RHPN2: variants seen among roughly 807,000 people sequenced by gnomAD.
RHPN2 encodes the protein rhophilin Rho GTPase binding protein 2, also known as rhophilin-2.
In RHPN2, 40 loss-of-function variants were observed where a neutral mutation model predicts 79.0. The ratio of observed to expected loss-of-function variants is 0.51; its 90% CI spans 0.39 to 0.66. The LOEUF (loss-of-function observed/expected upper bound fraction) is 0.66, where lower values mean the gene tolerates loss of function less well. Ranked by LOEUF, RHPN2 falls within the 30% of genes least tolerant of loss-of-function variation. The pLI, the probability that RHPN2 is intolerant of heterozygous loss-of-function variation, is 0.00. For missense variants in RHPN2, 686 were observed against 883.5 expected (o/e 0.78, Z 2.83); for synonymous variants, 285 against 363.5 (o/e 0.78, Z 2.46).
intron 5 of RHPN2, 31 bp downstream of exon 5, chr19:33,012,616 C>T (rs775823886): frequency 7.0e-7 from 1 of 1,429,132 alleles, no homozygotes. Flanking sequence ...GAAAAGCCAC[C>T]CTCCCCTCTC....
In RHPN2 at chr19:33,008,150, G is replaced by A. The variant is rs537127746; in HGVS notation, c.624C>T (p.Ser208=). ...CCTTCTCCAGCAGCAGGTTCTGCTG[G>A]CTGACCGGAACCCCGGTGAGAGAGT... ...WYDSLTGVPV[S]QQNLLLEKAS... The change falls in exon 7 of 15, where the codon AGC becomes AGT. Residue 208 remains serine, a synonymous_variant. Coordinates refer to ENST00000254260, the MANE Select transcript of RHPN2 (RefSeq NM_033103.5). 1 of 1,614,130 alleles carries A rather than the reference G, an allele frequency of 6.2e-7. No homozygotes were observed. Among genetic ancestry groups the A allele is most frequent in the African/African-American group, 1.3e-5 (1 of 75,040 alleles).
intron 7 of RHPN2, among the ~76,000 whole-genome samples, chr19:33,005,875 C>A (rs1971786626): frequency 6.6e-6 from 1 of 152,040 alleles, no homozygotes; most frequent in Non-Finnish European, 1.5e-5. Flanking sequence ...TCCCGATAGA[C>A]CAATCTTTTA....
At chr19:33,058,024 G>A (rs1362193192) in intron 1 of RHPN2, among the ~76,000 whole-genome samples, 2 of 152,186 alleles carry the variant, frequency 1.3e-5, no homozygotes, top group South Asian at 2.1e-4. Context: ...GCTGGGCATG[G>A]TGGCGGGTGC....
intron 2 of RHPN2, among the ~76,000 whole-genome samples, chr19:33,033,531 A>G (rs921661058): frequency 6.6e-6 from 1 of 152,070 alleles, no homozygotes; most frequent in Non-Finnish European, 1.5e-5. Context: ...ACGCCACTGC[A>G]CTCCAGCCTG....
rs544453034 is a variant in RHPN2, at chr19:33,005,256, A to C, written c.761-2256T>G. Among the ~76,000 whole-genome samples the C allele has an allele frequency of 4.0e-5, 6 of 151,684 alleles. No homozygotes were observed. In the South Asian group the frequency reaches 6.3e-4, roughly 16 times the overall value. Reference sequence around the variant, plus strand: ...TGGCAAAAGCCCATCTCTACCAAAAATACAAAATTAGCCAGGTGTGGTGGT... The same window carrying C: ...TGGCAAAAGCCCATCTCTACCAAAACTACAAAATTAGCCAGGTGTGGTGGT... On this transcript the variant is annotated intron_variant, in intron 7 of 14. Transcript: ENST00000254260.
At chr19:33,026,284 T>C (rs941056991) in intron 3 of RHPN2, among the ~76,000 whole-genome samples, 5 of 152,094 alleles carry the variant, frequency 3.3e-5, no homozygotes, top group African/African-American at 1.2e-4. Context: ...GCCTCACAAA[T>C]GCCTTTTTGT....
chr19:33,025,116 T>C (rs986294466), intron 3 of RHPN2, among the ~76,000 whole-genome samples: 3 of 152,026 alleles, frequency 2.0e-5, no homozygotes, highest in Non-Finnish European at 4.4e-5. Flanking sequence ...TTGTTGGCTT[T>C]CACGTTGAAG....
intron 2 of RHPN2, among the ~76,000 whole-genome samples, chr19:33,040,048 C>G (rs1473418815): frequency 1.3e-5 from 2 of 152,112 alleles, no homozygotes; most frequent in African/African-American, 4.8e-5. Context: ...CAGAATCCAG[C>G]CCCATTCACT....
intron 14 of RHPN2, among the ~76,000 whole-genome samples, chr19:32,984,528 G>A (rs1431725289): frequency 6.6e-6 from 1 of 151,884 alleles, no homozygotes; most frequent in Non-Finnish European, 1.5e-5. Context: ...ACATCGTGGT[G>A]GGTGCATGTA....
chr19:32,981,417 AG>A (rs71176176), intron 14 of RHPN2, among the ~76,000 whole-genome samples: 2 of 42,388 alleles, frequency 4.7e-5, no homozygotes, highest in Non-Finnish European at 8.1e-5. Flanking sequence ...ATAAAAAAAA[AG>A]GGGGGGGGCG....
chr19:32,995,458 C>A lies in RHPN2; in HGVS notation c.1420+568G>T, dbSNP rs1322116493. On this transcript the variant is annotated intron_variant, in intron 11 of 14. Transcript: ENST00000254260. ...ATGACCACTGACAGCTACATACCCC[C>A]ACCAGCATCTTCACAGCAGGCTCGG... Among the ~76,000 whole-genome samples, 3 of 152,138 alleles carry A rather than the reference C, an allele frequency of 2.0e-5. No homozygotes were observed. In the South Asian group the frequency reaches 6.2e-4, roughly 32 times the overall value.
intron 1 of RHPN2, among the ~76,000 whole-genome samples, chr19:33,052,014 T>TAAAGTCAG (rs1972192872): frequency 6.7e-6 from 1 of 148,308 alleles, no homozygotes; most frequent in Admixed American, 6.7e-5. Flanking sequence ...AAAAAAGAAT[T>TAAAGTCAG]AAAGTCAGAA....
At chr19:32,995,006 A>G (rs954291613) in intron 11 of RHPN2, among the ~76,000 whole-genome samples, 3 of 152,118 alleles carry the variant, frequency 2.0e-5, no homozygotes, top group Non-Finnish European at 4.4e-5. Context: ...CTATGTTTCA[A>G]GTGTTGTTGT....
rs138581181 is a variant in RHPN2 at position 33,050,853 on chromosome 19, G to A, written c.70-6489C>T. Among the ~76,000 whole-genome samples, 431 of 151,762 alleles carry A rather than the reference G, an allele frequency of 2.8e-3. 4 individuals carry two copies. Among genetic ancestry groups the A allele is most frequent in the African/African-American group, 9.9e-3 (411 of 41,394 alleles). On this transcript the variant is annotated intron_variant, in intron 1 of 14. Transcript: ENST00000254260. ...GCCACCACACCCGGCTAATTTGTGT[G>A]TTCCTTTTTTATTGTGGGATAGAAT...
At chr19:33,054,249 G>A (rs577638494) in intron 1 of RHPN2, among the ~76,000 whole-genome samples, 11 of 144,868 alleles carry the variant, frequency 7.6e-5, no homozygotes, top group East Asian at 6.1e-4. Flanking sequence ...CCAGCAGGCC[G>A]GAGTGCAGTG....
chr19:33,038,179 T>G (rs887252696), intron 2 of RHPN2, among the ~76,000 whole-genome samples: 29 of 151,846 alleles, frequency 1.9e-4, no homozygotes, highest in African/African-American at 7.0e-4. Flanking sequence ...GTGAACCCCC[T>G]CTCTATTAAA....
intron 10 of RHPN2, among the ~76,000 whole-genome samples, chr19:32,997,846 A>C (rs950836985): frequency 6.6e-6 from 1 of 152,158 alleles, no homozygotes; most frequent in East Asian, 1.9e-4. Flanking sequence ...GATGTGAAAG[A>C]GCAGCAGGTG....
At chr19:32,997,151 A>C (rs2146006101) in intron 10 of RHPN2, among the ~76,000 whole-genome samples, 1 of 152,040 alleles carries the variant, frequency 6.6e-6, no homozygotes, top group Non-Finnish European at 1.5e-5. Flanking sequence ...TGCCTGCCTT[A>C]GCCTCCCAGA....
intron 10 of RHPN2, among the ~76,000 whole-genome samples, chr19:32,998,836 G>C (rs919656220): frequency 4.5e-5 from 6 of 132,156 alleles, no homozygotes; most frequent in Non-Finnish European, 9.8e-5. Flanking sequence ...GTGAGGGGAG[G>C]AGAGGAAGGA....
Sources: allele counts gnomAD v4.1 joint callset (sites outside exome capture counted in the v4.1 genomes callset), GRCh38; gene constraint gnomAD v4.1.1; transcripts MANE v1.5; gene names NCBI Gene and HGNC (gene_info 2026-07-23, HGNC 2026-07-21).